PDS5A: variants seen among roughly 807,000 people sequenced by gnomAD.
PDS5A encodes sister chromatid cohesion protein PDS5 homolog A.
Under a neutral mutation model 167.1 loss-of-function variants are expected in PDS5A, and 42 were observed. That is an observed-to-expected ratio of 0.25 (90% confidence interval 0.20 to 0.33). The LOEUF (loss-of-function observed/expected upper bound fraction) is 0.33. Among genes scored for constraint, PDS5A ranks in the 10% least tolerant of loss-of-function variants. The probability of loss-of-function intolerance (pLI) is 1.00; values close to 1 mark genes in which losing one functional copy is unlikely to be tolerated. For missense variants in PDS5A, 1,033 were observed against 1,605.9 expected (o/e 0.64, Z 6.10); for synonymous variants, 553 against 554.6 (o/e 1.00, Z 0.04).
At chr4:39,868,207 C>T (rs886657198) in intron 22 of PDS5A, among the ~76,000 whole-genome samples, 4 of 152,202 alleles carry the variant, frequency 2.6e-5, no homozygotes, top group African/African-American at 9.6e-5. Flanking sequence ...GTCACCCAGG[C>T]TGGAGTGTAC....
In PDS5A at chr4:39,940,535, A is replaced by G. The variant is rs563801395; in HGVS notation, c.139-12371T>C. Among the ~76,000 whole-genome samples the G allele has an allele frequency of 5.9e-5, 9 of 152,356 alleles. No homozygotes were observed. The South Asian group carries it at 1.7e-3, about 28-fold the overall frequency. On this transcript the variant is annotated intron_variant, in intron 2 of 32. Transcript: ENST00000303538. ...TACATAAGAATCTCAGGTTCTCTTT[A>G]AAGCAGTTAATCTAACCACCTTTTA...
intron 19 of PDS5A, among the ~76,000 whole-genome samples, chr4:39,876,321 T>C (rs1036965279): frequency 6.6e-6 from 1 of 152,206 alleles, no homozygotes; most frequent in African/African-American, 2.4e-5. Flanking sequence ...ATGAAGAGAA[T>C]GTACAATGGA....
chr4:39,845,720 A>G, intron 29 of PDS5A, 98 bp downstream of exon 29: 1 of 1,206,562 alleles, frequency 8.3e-7, no homozygotes, highest in Non-Finnish European at 1.1e-6. Flanking sequence ...AAGAATCAGG[A>G]ACTATACAAT....
At chr4:39,862,171 G>T in intron 26 of PDS5A, 48 bp downstream of exon 26, 1 of 702,120 alleles carries the variant, frequency 1.4e-6, no homozygotes, top group South Asian at 2.7e-5. Context: ...ACCATTTTTT[G>T]AAAACTAAAC....
In PDS5A at chr4:39,917,208, CA is replaced by C. The variant is rs766599628; in HGVS notation, c.736-21del. The C allele has an allele frequency of 6.7e-7, 1 of 1,500,498 alleles. No homozygotes were observed. Among genetic ancestry groups the C allele is most frequent in the Non-Finnish European group, 8.9e-7 (1 of 1,123,596 alleles). The allele number at this position is 1,500,498 out of a possible 1,614,324, so 92.9% of individuals were successfully genotyped here. A position where few individuals can be genotyped will look rare whatever the true frequency, so the allele number is the denominator to read the frequency against. ...GAAAAACTGTAAGAGATATTAAAAA[CA>C]AAAAGAAAACATCCAGTTCATTTAA... On this transcript the variant is annotated intron_variant, in intron 7 of 32. Coordinates refer to ENST00000303538, the MANE Select transcript of PDS5A (RefSeq NM_001100399.2).
At chr4:39,960,695 A>T (rs1437243674) in intron 2 of PDS5A, among the ~76,000 whole-genome samples, 5 of 145,082 alleles carry the variant, frequency 3.4e-5, no homozygotes, top group African/African-American at 1.0e-4. Context: ...TACAAAGCTA[A>T]TTTTTTTTTT....
At chr4:39,884,408 C>T (rs78776376) in intron 17 of PDS5A, among the ~76,000 whole-genome samples, 29,138 of 152,162 alleles carry the variant, frequency 0.19, 3,292 homozygotes, top group South Asian at 0.28. Flanking sequence ...CAGTAAAAAA[C>T]AGACTCAGTA....
In PDS5A at chr4:39,837,994, G is replaced by A. The variant is rs1366299226; in HGVS notation, c.3872C>T (p.Pro1291Leu). 1.2e-6 allele frequency: 2 copies of A among 1,613,920 alleles called. No individual in the cohort carries two copies. The highest frequency in any genetic ancestry group is 1.7e-6 in the Non-Finnish European group (2 of 1,179,864). The part of the protein sequence containing the change: ...NATKNDDLNK[P>L]INKGRKRAAV... ...AGCTCTCTTCCTTCCCTTGTTAATA[G>A]GTTTATTTAGATCATCATTTTTGGT... is the stretch of plus-strand genomic sequence containing the variant. The change falls in exon 32 of 33, where the codon CCT becomes CTT. Residue 1291 changes from proline to leucine, a missense_variant. Transcript: ENST00000303538.
intron 2 of PDS5A, among the ~76,000 whole-genome samples, chr4:39,940,423 G>A (rs543918176): frequency 6.6e-6 from 1 of 152,106 alleles, no homozygotes; most frequent in East Asian, 1.9e-4. Context: ...TCACTTTGTG[G>A]TTACTTATTA....
At chr4:39,857,832 T>C (rs897237683) in intron 26 of PDS5A, among the ~76,000 whole-genome samples, 1 of 152,204 alleles carries the variant, frequency 6.6e-6, no homozygotes, top group African/African-American at 2.4e-5. Context: ...ATTTTCTTTT[T>C]TCTTTTTAAT....
intron 3 of PDS5A, among the ~76,000 whole-genome samples, chr4:39,927,203 A>G (rs746983990): frequency 6.6e-6 from 1 of 152,202 alleles, no homozygotes; most frequent in Non-Finnish European, 1.5e-5. Flanking sequence ...CTTCATTTTA[A>G]GGAGTTGGAT....
rs1012597785 is a variant in PDS5A, at chr4:39,967,849, C to G, written c.138+8591G>C. Among the ~76,000 whole-genome samples the G allele has an allele frequency of 5.3e-5, 8 of 151,538 alleles. No individual in the cohort carries two copies. In the East Asian group the frequency reaches 1.4e-3, roughly 26 times the overall value. ...TGGCAGAAGCCTGTAGTCCCAGCTA[C>G]TCAGGAGGCTGAGCTGAGATTGCGC... is the stretch of plus-strand genomic sequence containing the variant. On this transcript the variant is annotated intron_variant, in intron 2 of 32. Coordinates refer to ENST00000303538, the MANE Select transcript of PDS5A (RefSeq NM_001100399.2).
rs34845975 is a variant in PDS5A at position 39,888,241 on chromosome 4, C to CAA, written c.1886+2006_1886+2007dup. Among the ~76,000 whole-genome samples the CAA allele has an allele frequency of 9.4e-3, 529 of 56,096 alleles. 6 individuals are homozygous for CAA. The highest frequency in any genetic ancestry group is 0.037 in the East Asian group (80 of 2,160). 36.8% of individuals were successfully genotyped at this position (56,096 alleles called of 152,430 possible). A position where few individuals can be genotyped will look rare whatever the true frequency, so the allele number is the denominator to read the frequency against. ...AGCTGGTGACAGAGCAAGACTCCGG[C>CAA]AAAAAAAAAAAAAAAAAAAAAAAAG... On this transcript the variant is annotated intron_variant, in intron 17 of 32. Transcript: ENST00000303538.
chr4:39,825,523 GAT>G (rs1715215894), intron 32 of PDS5A, 35 bp from the exon 33 acceptor site: 1 of 1,515,166 alleles, frequency 6.6e-7, no homozygotes, highest in Admixed American at 1.9e-5. Flanking sequence ...AGTTAGAAAA[GAT>G]GTGGAGAAGA....
At chr4:39,841,888 T>C in intron 31 of PDS5A, 60 bp downstream of exon 31, 1 of 890,752 alleles carries the variant, frequency 1.1e-6, no homozygotes, top group Non-Finnish European at 1.9e-6. Context: ...TTCTTATCCC[T>C]ACGGAAAAAC....
intron 2 of PDS5A, among the ~76,000 whole-genome samples, chr4:39,957,091 G>C (rs1251999028): frequency 6.6e-6 from 1 of 151,960 alleles, no homozygotes; most frequent in Admixed American, 6.6e-5. Flanking sequence ...TCACACACAA[G>C]GAATCCACCT....
intron 2 of PDS5A, among the ~76,000 whole-genome samples, chr4:39,959,066 T>C (rs977967095): frequency 2.0e-5 from 3 of 152,196 alleles, no homozygotes; most frequent in Non-Finnish European, 2.9e-5. Flanking sequence ...CAATCAAAAT[T>C]CTTAGTGATC....
chr4:39,833,380 A>T (rs930741975), intron 32 of PDS5A, among the ~76,000 whole-genome samples: 3 of 151,934 alleles, frequency 2.0e-5, no homozygotes, highest in South Asian at 2.1e-4. Context: ...CAGTAGCTTA[A>T]AATTGGTATT....
At chr4:39,869,320 T>C in intron 22 of PDS5A, 74 bp downstream of exon 22, 3 of 913,904 alleles carry the variant, frequency 3.3e-6, no homozygotes, top group Non-Finnish European at 5.5e-6. Context: ...ATTAAATTTT[T>C]TAAAGGTGAG....
Sources: allele counts gnomAD v4.1 joint callset (sites outside exome capture counted in the v4.1 genomes callset), GRCh38; gene constraint gnomAD v4.1.1; transcripts MANE v1.5; gene names NCBI Gene and HGNC (gene_info 2026-07-23, HGNC 2026-07-21).